The following PCDHA12 variants were observed in gnomAD, a reference collection of about 807,000 sequenced individuals.
PCDHA12 encodes protocadherin alpha-12.
Under a neutral mutation model 60.0 loss-of-function variants are expected in PCDHA12, and 44 were observed. That is an observed-to-expected ratio of 0.73 (90% CI 0.58 to 0.94). The LOEUF is 0.94. PCDHA12 is among the 40% of genes least tolerant of loss of function. The pLI, the probability that PCDHA12 is intolerant of heterozygous loss-of-function variation, is 0.00. For missense variants in PCDHA12, 1,276 were observed against 1,239.7 expected, an observed-to-expected ratio of 1.03 and a Z score of -0.44; for synonymous variants, 569 against 553.0, an observed-to-expected ratio of 1.03 and a Z score of -0.40.
intron 1 of PCDHA12, chr5:140,968,436 C>T (rs1479503016): frequency 3.1e-6 from 5 of 1,613,876 alleles, no homozygotes; most frequent in Non-Finnish European, 3.4e-6. Context: ...AAGGGGAGCC[C>T]ACCACTGAGC....
chr5:140,934,429 T>C (rs1480259267), intron 1 of PCDHA12, among the ~76,000 whole-genome samples: 1 of 152,194 alleles, frequency 6.6e-6, no homozygotes, highest in African/African-American at 2.4e-5. Context: ...TCAATGCAAG[T>C]GTAAATATAG....
intron 3 of PCDHA12, among the ~76,000 whole-genome samples, chr5:140,992,799 A>T (rs577698123): frequency 6.6e-6 from 1 of 152,274 alleles, no homozygotes; most frequent in African/African-American, 2.4e-5. Flanking sequence ...TTATGGATCC[A>T]TATGTATCTA....
At chr5:140,919,910 A>C (rs1350361054) in intron 1 of PCDHA12, among the ~76,000 whole-genome samples, 1 of 152,204 alleles carries the variant, frequency 6.6e-6, no homozygotes. Flanking sequence ...GGATGAAATT[A>C]CCCTAAATTT....
chr5:140,891,122 G>T (rs572236105), intron 1 of PCDHA12, among the ~76,000 whole-genome samples: 1 of 152,256 alleles, frequency 6.6e-6, no homozygotes, highest in East Asian at 1.9e-4. Context: ...CAATCTAAAT[G>T]TCATTCCTTT....
chr5:140,992,436 G>A (rs782486395), intron 3 of PCDHA12, among the ~76,000 whole-genome samples: 10 of 152,186 alleles, frequency 6.6e-5, no homozygotes, highest in Non-Finnish European at 1.3e-4. Flanking sequence ...TGTTCCAAGA[G>A]TTGGGAGCAG....
At chr5:140,968,467 A>G (rs2153771249) in intron 1 of PCDHA12, 1 of 1,614,124 alleles carries the variant, frequency 6.2e-7, no homozygotes, top group Non-Finnish European at 8.5e-7. Flanking sequence ...CTGCCAACGT[A>G]TATGTGGTGG....
intron 1 of PCDHA12, chr5:140,884,367 T>G (rs2060126363): frequency 1.2e-6 from 2 of 1,613,928 alleles, no homozygotes; most frequent in Middle Eastern, 3.3e-4. Context: ...AATGTTTACT[T>G]GATCATTGCC....
chr5:140,931,188 G>A (rs782167226), intron 1 of PCDHA12, among the ~76,000 whole-genome samples: 1 of 152,126 alleles, frequency 6.6e-6, no homozygotes, highest in South Asian at 2.1e-4. Flanking sequence ...GGAAATTGGT[G>A]CACTACAATG....
chr5:140,953,713 A>T (rs1372806666), intron 1 of PCDHA12, among the ~76,000 whole-genome samples: 1 of 152,218 alleles, frequency 6.6e-6, no homozygotes, highest in Admixed American at 6.5e-5. Context: ...TGAGCTTCAG[A>T]CATTGTGTTT....
chr5:140,989,665 T>C (rs2097353443), intron 3 of PCDHA12, among the ~76,000 whole-genome samples: 1 of 152,190 alleles, frequency 6.6e-6, no homozygotes, highest in Non-Finnish European at 1.5e-5. Context: ...TAAAAGAAAC[T>C]CTGCCCAGAT....
intron 1 of PCDHA12, among the ~76,000 whole-genome samples, chr5:140,912,581 T>C (rs2075985656): frequency 6.6e-6 from 1 of 152,178 alleles, no homozygotes; most frequent in Admixed American, 6.5e-5. Flanking sequence ...CTTTTCCAAT[T>C]TGGATGCCCT....
intron 3 of PCDHA12, 51 bp downstream of exon 3, chr5:140,982,614 G>T (rs1283279622): frequency 6.3e-7 from 1 of 1,596,658 alleles, no homozygotes; most frequent in Non-Finnish European, 8.5e-7. Flanking sequence ...AAAGTGATCA[G>T]ATGACCTACT....
At chr5:140,999,280 T>C (rs782502393) in intron 3 of PCDHA12, among the ~76,000 whole-genome samples, 2 of 152,228 alleles carry the variant, frequency 1.3e-5, no homozygotes, top group Non-Finnish European at 2.9e-5. Context: ...ATAGTAGTAA[T>C]ACCCATTCTT....
At chr5:140,914,964 T>A (rs1328203928) in intron 1 of PCDHA12, among the ~76,000 whole-genome samples, 18 of 131,662 alleles carry the variant, frequency 1.4e-4, no homozygotes, top group Non-Finnish European at 3.0e-4. Context: ...TTTTTTTTTC[T>A]GAGTCAGAGT....
intron 1 of PCDHA12, among the ~76,000 whole-genome samples, chr5:140,925,773 A>G (rs2082712352): frequency 6.6e-6 from 1 of 151,966 alleles, no homozygotes; most frequent in African/African-American, 2.4e-5. Context: ...TCCTGGTCAA[A>G]CTCTAATGAG....
chr5:140,903,434 A>T (rs1372993909), intron 1 of PCDHA12, among the ~76,000 whole-genome samples: 1 of 152,226 alleles, frequency 6.6e-6, no homozygotes, highest in Non-Finnish European at 1.5e-5. Context: ...AATATGTATC[A>T]GTGGAATTCA....
At chr5:140,955,401 A>T (rs1202478496) in intron 1 of PCDHA12, among the ~76,000 whole-genome samples, 2 of 152,122 alleles carry the variant, frequency 1.3e-5, no homozygotes, top group African/African-American at 4.8e-5. Flanking sequence ...TATCCCATAC[A>T]GTTCTCATGA....
chr5:140,903,357 T>C (rs1554190932), intron 1 of PCDHA12, among the ~76,000 whole-genome samples: 1 of 152,166 alleles, frequency 6.6e-6, no homozygotes, highest in African/African-American at 2.4e-5. Flanking sequence ...AAACAAGTTT[T>C]TCAAAAATAT....
At chr5:140,955,241 A>T (rs1554221829) in intron 1 of PCDHA12, among the ~76,000 whole-genome samples, 1 of 152,114 alleles carries the variant, frequency 6.6e-6, no homozygotes, top group East Asian at 1.9e-4. Context: ...TTTGCTTAGG[A>T]TCGGCTTGGC....
Sources: allele counts gnomAD v4.1 joint callset (sites outside exome capture counted in the v4.1 genomes callset), GRCh38; gene constraint gnomAD v4.1.1; transcripts MANE v1.5; gene names NCBI Gene and HGNC (gene_info 2026-07-23, HGNC 2026-07-21).